CAMK1D: variants seen among roughly 807,000 people sequenced by gnomAD.
CAMK1D encodes the protein calcium/calmodulin-dependent protein kinase type 1D.
Under a neutral mutation model 47.7 loss-of-function variants are expected in CAMK1D, and 9 were observed. The observed-to-expected ratio is 0.19, with a 90% CI of 0.11 to 0.33. CAMK1D has a LOEUF of 0.33. Ranked by LOEUF, CAMK1D falls within the 10% of genes least tolerant of loss-of-function variation. The pLI is 1.00. For missense variants in CAMK1D, 291 were observed against 488.7 expected, an observed-to-expected ratio of 0.60 and a Z score of 3.81; for synonymous variants, 184 against 184.9, an observed-to-expected ratio of 0.99 and a Z score of 0.04.
At chr10:12,760,271 T>A (rs1836440491) in intron 3 of CAMK1D, among the ~76,000 whole-genome samples, 1 of 152,238 alleles carries the variant, frequency 6.6e-6, no homozygotes, top group Non-Finnish European at 1.5e-5. Flanking sequence ...AATGCAAAGC[T>A]AATAAAAAGG....
At position 12,749,566 on chromosome 10, in the gene CAMK1D, G is replaced by GTTT. The variant is rs796640778; in HGVS notation, c.300-11381_300-11379dup. ...TTGTTTGTTTTTTGTTTGTTTGTTT[G>GTTT]TTTGTTTGTTTTGATGAAGTCTCGC... On this transcript the variant is annotated intron_variant, in intron 3 of 10. Coordinates refer to ENST00000619168, the MANE Select transcript of CAMK1D (RefSeq NM_153498.4). Among the ~76,000 whole-genome samples, 840 of 118,872 alleles carry GTTT rather than the reference G, an allele frequency of 7.1e-3. 19 individuals carry two copies. Among genetic ancestry groups the GTTT allele is most frequent in the African/African-American group, 0.028 (757 of 27,348 alleles). The allele number at this position is 118,872 out of a possible 152,430, so 78.0% of individuals were successfully genotyped here.
intron 3 of CAMK1D, among the ~76,000 whole-genome samples, chr10:12,724,124 G>A (rs573520485): frequency 5.9e-5 from 9 of 152,320 alleles, no homozygotes; most frequent in African/African-American, 2.2e-4. Context: ...GAGGAGTTGG[G>A]ATTACAGACG....
chr10:12,776,605 C>G (rs1267456020), intron 5 of CAMK1D, among the ~76,000 whole-genome samples: 1 of 152,070 alleles, frequency 6.6e-6, no homozygotes, highest in African/African-American at 2.4e-5. Context: ...ATGTGTGTTT[C>G]TGTTTAAAGA....
chr10:12,448,811 A>C (rs763087694), intron 1 of CAMK1D, among the ~76,000 whole-genome samples: 4 of 152,188 alleles, frequency 2.6e-5, no homozygotes, highest in Non-Finnish European at 5.9e-5. Context: ...AAATGTGACT[A>C]TCCGGAAATG....
intron 5 of CAMK1D, among the ~76,000 whole-genome samples, chr10:12,779,170 C>T (rs1319861844): frequency 1.3e-5 from 2 of 152,114 alleles, no homozygotes. Flanking sequence ...ACCATGGTGG[C>T]TCTCAATATG....
chr10:12,709,131 GGGGGGC>G (rs1212111179), intron 3 of CAMK1D, among the ~76,000 whole-genome samples: 1 of 152,204 alleles, frequency 6.6e-6, no homozygotes, highest in Admixed American at 6.5e-5. Context: ...TCACCTATGT[GGGGGGC>G]GGGTGAGAAC....
At chr10:12,666,492 T>C (rs1027885418) in intron 2 of CAMK1D, among the ~76,000 whole-genome samples, 1 of 152,146 alleles carries the variant, frequency 6.6e-6, no homozygotes, top group African/African-American at 2.4e-5. Context: ...AAGCAACAAT[T>C]GTTAATCCAC....
At chr10:12,820,519 G>A (rs1191153685) in intron 8 of CAMK1D, among the ~76,000 whole-genome samples, 1 of 152,104 alleles carries the variant, frequency 6.6e-6, no homozygotes, top group African/African-American at 2.4e-5. Context: ...CCTCCAGGCG[G>A]CCCCTCCTCA....
At position 12,373,507 on chromosome 10, in the gene CAMK1D, C is replaced by T. The variant is rs575991358; in HGVS notation, c.92+23597C>T. Among the ~76,000 whole-genome samples, 121 of 151,210 alleles carry T rather than the reference C, an allele frequency of 8.0e-4. 1 individual carries two copies. Among genetic ancestry groups the T allele is most frequent in the Admixed American group, 1.3e-3 (20 of 15,158 alleles). ...ATTAGCCAGGCGTAGTGGTGGGTGC[C>T]TGTAATCCCAGCTACTCAGGAGGCT... On this transcript the variant is annotated intron_variant, in intron 1 of 10. Transcript: ENST00000619168.
At chr10:12,541,020 G>T (rs1184422625) in intron 1 of CAMK1D, among the ~76,000 whole-genome samples, 1 of 151,876 alleles carries the variant, frequency 6.6e-6, no homozygotes, top group Non-Finnish European at 1.5e-5. Flanking sequence ...TCAGGTGGAG[G>T]GCTTTAAAAG....
At chr10:12,728,240 G>T (rs1335834353) in intron 3 of CAMK1D, among the ~76,000 whole-genome samples, 2 of 152,176 alleles carry the variant, frequency 1.3e-5, no homozygotes, top group Non-Finnish European at 2.9e-5. Context: ...ATTTTTGTTC[G>T]ATTAAAGATA....
At chr10:12,621,532 G>A (rs531029061) in intron 2 of CAMK1D, among the ~76,000 whole-genome samples, 9 of 151,984 alleles carry the variant, frequency 5.9e-5, no homozygotes, top group African/African-American at 1.4e-4. Flanking sequence ...AATGATTGTA[G>A]ATGGCATTTT....
intron 3 of CAMK1D, among the ~76,000 whole-genome samples, chr10:12,703,619 A>G (rs560140152): frequency 6.6e-6 from 1 of 152,332 alleles, no homozygotes; most frequent in East Asian, 1.9e-4. Context: ...CTGTAAACCC[A>G]GCACTTTGGG....
chr10:12,439,558 G>T (rs147079695), intron 1 of CAMK1D, among the ~76,000 whole-genome samples: 116 of 152,312 alleles, frequency 7.6e-4, no homozygotes, highest in Admixed American at 2.5e-3. Context: ...TTGTCAATGT[G>T]CACATCGGTG....
intron 1 of CAMK1D, among the ~76,000 whole-genome samples, chr10:12,428,325 G>A (rs1460548636): frequency 6.6e-6 from 1 of 152,096 alleles, no homozygotes; most frequent in African/African-American, 2.4e-5. Context: ...TCTTACCTGG[G>A]CTTTTTGTGA....
intron 1 of CAMK1D, among the ~76,000 whole-genome samples, chr10:12,485,902 A>G (rs1834199339): frequency 6.6e-6 from 1 of 152,150 alleles, no homozygotes; most frequent in African/African-American, 2.4e-5. Context: ...TTCAGCCCAG[A>G]GTGAGTCTTT....
At chr10:12,542,579 A>C (rs2132248333) in intron 1 of CAMK1D, among the ~76,000 whole-genome samples, 1 of 152,328 alleles carries the variant, frequency 6.6e-6, no homozygotes, top group African/African-American at 2.4e-5. Flanking sequence ...GTTAAAAGTC[A>C]GAGGAGTCCT....
intron 3 of CAMK1D, among the ~76,000 whole-genome samples, chr10:12,745,398 T>C (rs780459471): frequency 1.3e-5 from 2 of 152,162 alleles, no homozygotes; most frequent in Admixed American, 1.3e-4. Context: ...CATAAACACA[T>C]GCGTGTGCGC....
At chr10:12,559,639 G>A (rs1836874281) in intron 2 of CAMK1D, among the ~76,000 whole-genome samples, 1 of 152,178 alleles carries the variant, frequency 6.6e-6, no homozygotes, top group African/African-American at 2.4e-5. Flanking sequence ...GAAGAGCTGA[G>A]TTTTGTTTTG....
Sources: allele counts gnomAD v4.1 joint callset (sites outside exome capture counted in the v4.1 genomes callset), GRCh38; gene constraint gnomAD v4.1.1; transcripts MANE v1.5; gene names NCBI Gene and HGNC (gene_info 2026-07-23, HGNC 2026-07-21).